The following CORO2B variants were observed in gnomAD, a reference collection of about 807,000 sequenced individuals.
The protein encoded by CORO2B is coronin 2B.
In CORO2B, 26 loss-of-function variants were observed where a neutral mutation model predicts 58.8. The ratio of observed to expected loss-of-function variants is 0.44; its 90% CI spans 0.32 to 0.61. The LOEUF (loss-of-function observed/expected upper bound fraction) is 0.61. Ranked by LOEUF, CORO2B falls within the 20% of genes least tolerant of loss-of-function variation. The pLI, the probability that CORO2B is intolerant of heterozygous loss-of-function variation, is 0.04. For missense variants in CORO2B, 460 were observed against 645.1 expected (o/e 0.71, Z 3.11); for synonymous variants, 242 against 253.8 (o/e 0.95, Z 0.44).
intron 1 of CORO2B, among the ~76,000 whole-genome samples, chr15:68,607,135 G>T (rs1022238129): frequency 2.0e-5 from 3 of 152,120 alleles, no homozygotes; most frequent in Non-Finnish European, 4.4e-5. Context: ...GCACAGAGGG[G>T]ATAGTTTGTC....
At chr15:68,530,089 C>T in the CORO2B span, among the ~76,000 whole-genome samples, 1 of 152,216 alleles carries the variant, frequency 6.6e-6, no homozygotes, top group African/African-American at 2.4e-5. Flanking sequence ...CTTTGGGAGG[C>T]CGAGGCGGGT....
At chr15:68,563,702 G>A in the CORO2B span, among the ~76,000 whole-genome samples, 1 of 151,986 alleles carries the variant, frequency 6.6e-6, no homozygotes, top group African/African-American at 2.4e-5. Context: ...TGAAATTGGG[G>A]ACAATACTAC....
chr15:68,540,599 T>C, the CORO2B span, among the ~76,000 whole-genome samples: 1 of 152,282 alleles, frequency 6.6e-6, no homozygotes, highest in African/African-American at 2.4e-5. Flanking sequence ...TGCTTTTGTA[T>C]GCAGCAGAGC....
chr15:68,561,711 T>G, the CORO2B span, among the ~76,000 whole-genome samples: 1 of 152,190 alleles, frequency 6.6e-6, no homozygotes, highest in Non-Finnish European at 1.5e-5. Context: ...CTGTCTGTTA[T>G]CGTGTACAGG....
intron 1 of CORO2B, among the ~76,000 whole-genome samples, chr15:68,605,726 T>G (rs1467452126): frequency 5.0e-5 from 7 of 139,636 alleles, no homozygotes; most frequent in African/African-American, 8.1e-5. Context: ...TTTTTTTTTT[T>G]TTTTTTTTTT....
chr15:68,632,893 A>G (rs573154426), intron 1 of CORO2B, among the ~76,000 whole-genome samples: 56 of 152,336 alleles, frequency 3.7e-4, no homozygotes, highest in Middle Eastern at 3.4e-3. Context: ...CACCCGGCCA[A>G]TAAATGGATG....
intron 1 of CORO2B, among the ~76,000 whole-genome samples, chr15:68,598,165 C>T (rs1899888423): frequency 6.6e-6 from 1 of 152,208 alleles, no homozygotes; most frequent in Non-Finnish European, 1.5e-5. Context: ...ATCCCAGAGG[C>T]TGAAGCTCAG....
At chr15:68,532,064 T>C in the CORO2B span, among the ~76,000 whole-genome samples, 682 of 152,178 alleles carry the variant, frequency 4.5e-3, 6 homozygotes, top group African/African-American at 0.015. Context: ...CATAGTGTCT[T>C]TTTCTCTCCA....
At chr15:68,625,302 T>C (rs557505693) in intron 1 of CORO2B, among the ~76,000 whole-genome samples, 231 of 148,964 alleles carry the variant, frequency 1.6e-3, no homozygotes, top group African/African-American at 5.2e-3. Flanking sequence ...CTTCGAGGTA[T>C]AATTTACATG....
the CORO2B span, among the ~76,000 whole-genome samples, chr15:68,572,579 G>A: frequency 1.3e-5 from 2 of 152,084 alleles, no homozygotes; most frequent in Non-Finnish European, 2.9e-5. Flanking sequence ...GGCAGAAGGG[G>A]TGTCAGAATA....
the CORO2B span, among the ~76,000 whole-genome samples, chr15:68,540,108 T>G: frequency 6.6e-6 from 1 of 152,278 alleles, no homozygotes. Context: ...CAGTATGTTT[T>G]CATACTCTGT....
intron 2 of CORO2B, among the ~76,000 whole-genome samples, chr15:68,658,576 C>G (rs1352728303): frequency 1.3e-5 from 2 of 152,230 alleles, no homozygotes; most frequent in African/African-American, 4.8e-5. Flanking sequence ...CTATAGAATT[C>G]TGGAAAGGAA....
At position 68,715,132 on chromosome 15, in the gene CORO2B, G is replaced by A. The variant is rs146911580; in HGVS notation, c.871-83G>A. 4.8e-4 allele frequency: 602 copies of A among 1,241,258 alleles called. 6 individuals carry two copies. In the East Asian group the frequency reaches 0.01, roughly 21 times the overall value. The allele number at this position is 1,241,258 out of a possible 1,614,324, so 76.9% of individuals were successfully genotyped here. A position where few individuals can be genotyped will look rare whatever the true frequency, so the allele number is the denominator to read the frequency against. On this transcript the variant is annotated intron_variant, in intron 7 of 11. Transcript: ENST00000261861. ...TGCCCATGAGGCACAGGGGAGAGCT[G>A]TCTTCAGCTGGCTCCTGGGACCAGG... is the stretch of plus-strand genomic sequence containing the variant.
At chr15:68,674,869 G>A (rs1902524601) in intron 2 of CORO2B, among the ~76,000 whole-genome samples, 1 of 152,178 alleles carries the variant, frequency 6.6e-6, no homozygotes. Flanking sequence ...TGAGTCCACA[G>A]TGACCAATAT....
intron 1 of CORO2B, among the ~76,000 whole-genome samples, chr15:68,586,859 A>C (rs1233621653): frequency 2.6e-5 from 4 of 152,182 alleles, no homozygotes; most frequent in Admixed American, 6.5e-5. Context: ...TAAAGTGGCC[A>C]GAGGCCCTCC....
intron 2 of CORO2B, among the ~76,000 whole-genome samples, chr15:68,655,977 T>C (rs1223820334): frequency 2.0e-5 from 3 of 152,158 alleles, no homozygotes; most frequent in African/African-American, 4.8e-5. Context: ...CTGGGGGCAG[T>C]TGGGGCCCAG....
At chr15:68,702,140 C>T (rs1596025901) in intron 3 of CORO2B, among the ~76,000 whole-genome samples, 1 of 152,014 alleles carries the variant, frequency 6.6e-6, no homozygotes, top group Non-Finnish European at 1.5e-5. Context: ...GGTACGGGCA[C>T]GGGCAGGAGT....
intron 3 of CORO2B, among the ~76,000 whole-genome samples, chr15:68,703,570 C>G (rs1012986370): frequency 6.6e-6 from 1 of 152,184 alleles, no homozygotes; most frequent in African/African-American, 2.4e-5. Flanking sequence ...TGCTTAGGCC[C>G]ATGGTGAACT....
the CORO2B span, among the ~76,000 whole-genome samples, chr15:68,519,634 T>A: frequency 6.6e-6 from 1 of 152,230 alleles, no homozygotes; most frequent in Non-Finnish European, 1.5e-5. Context: ...TTTTGATGAT[T>A]TTCCTTTGTT....
Sources: allele counts gnomAD v4.1 joint callset (sites outside exome capture counted in the v4.1 genomes callset), GRCh38; gene constraint gnomAD v4.1.1; transcripts MANE v1.5; gene names NCBI Gene and HGNC (gene_info 2026-07-23, HGNC 2026-07-21).